The following MAP3K13 variants were observed in gnomAD, a reference collection of about 807,000 sequenced individuals.
The protein encoded by MAP3K13 is leucine zipper-bearing kinase.
In MAP3K13, 52 loss-of-function variants were observed where a neutral mutation model predicts 104.0. The observed-to-expected ratio is 0.50, with a 90% CI of 0.40 to 0.63. The LOEUF is 0.63. Among genes scored for constraint, MAP3K13 ranks in the 20% least tolerant of loss-of-function variants. MAP3K13 has a pLI of 0.00. For missense variants in MAP3K13, 914 were observed against 1,218.5 expected (o/e 0.75, Z 3.72); for synonymous variants, 394 against 442.2 (o/e 0.89, Z 1.37).
chr3:185,316,521 G>A (rs1211173216), intron 2 of MAP3K13, among the ~76,000 whole-genome samples: 1 of 152,134 alleles, frequency 6.6e-6, no homozygotes, highest in Non-Finnish European at 1.5e-5. Flanking sequence ...CATGCCTATA[G>A]TCCCAGCTAC....
At chr3:185,477,043 C>A in intron 11 of MAP3K13, 1 of 564,840 alleles carries the variant, frequency 1.8e-6, no homozygotes, top group Non-Finnish European at 3.4e-6. Context: ...CATCACTCAC[C>A]TCTGGACACT....
intron 7 of MAP3K13, among the ~76,000 whole-genome samples, chr3:185,452,832 G>A (rs1293609615): frequency 6.6e-6 from 1 of 152,196 alleles, no homozygotes. Flanking sequence ...AACAAATGTA[G>A]CGAGAGAGCA....
Position 185,291,536 on chromosome 3 carries a change from A to G in MAP3K13, c.-86+5893A>G, listed in dbSNP as rs1252873081. ...AGTAATCTGATTAATTACTGACCCA[A>G]AAGTAGTTTTTAATTTCCCTTAAAA... On this transcript the variant is annotated intron_variant, in intron 2 of 14. Transcript: ENST00000424227. 6.1e-6 allele frequency: 8 copies of G among 1,306,638 alleles called. No homozygotes were observed. The South Asian group carries it at 1.1e-4, about 17-fold the overall frequency. 80.9% of individuals were successfully genotyped at this position (1,306,638 alleles called of 1,614,324 possible). A position where few individuals can be genotyped will look rare whatever the true frequency, so the allele number is the denominator to read the frequency against.
intron 1 of MAP3K13, among the ~76,000 whole-genome samples, chr3:185,382,102 A>G (rs1324851743): frequency 6.6e-6 from 1 of 152,242 alleles, no homozygotes; most frequent in Non-Finnish European, 1.5e-5. Flanking sequence ...ACCTCCCAGT[A>G]GATACCTGAA....
rs6775037 is a variant in MAP3K13, at chr3:185,386,490, G to A, written c.-86+23122G>A. 8.6e-3 allele frequency among the ~76,000 whole-genome samples: 1,313 copies of A among 152,204 alleles called. 19 individuals carry two copies. Among genetic ancestry groups the A allele is most frequent in the African/African-American group, 0.03 (1,246 of 41,534 alleles). The stretch of plus-strand genomic sequence containing the variant: ...AGTGTAAACTAGTGGAAGATAATGT[G>A]GCTATTCCTAAAACACGTAGAGGTA... On this transcript the variant is annotated intron_variant, in intron 1 of 13. Coordinates refer to ENST00000265026, the MANE Select transcript of MAP3K13 (RefSeq NM_004721.5).
chr3:185,366,978 G>T (rs1723919466), intron 1 of MAP3K13, among the ~76,000 whole-genome samples: 1 of 152,196 alleles, frequency 6.6e-6, no homozygotes, highest in African/African-American at 2.4e-5. Context: ...TGCTTTTGGT[G>T]TCATATCTAA....
chr3:185,478,857 G>C (rs1230993630), intron 12 of MAP3K13, among the ~76,000 whole-genome samples: 1 of 149,596 alleles, frequency 6.7e-6, no homozygotes, highest in African/African-American at 2.5e-5. Flanking sequence ...GGGCGACAGA[G>C]TGAGACTCTG....
rs1292363371 is a variant in MAP3K13 at position 185,473,132 on chromosome 3, G to T, written c.1801G>T (p.Asp601Tyr). 8.7e-6 allele frequency: 14 copies of T among 1,614,038 alleles called. No homozygotes were observed. The highest frequency in any genetic ancestry group is 1.3e-5 in the African/African-American group (1 of 74,886). The change falls in exon 11 of 14, where the codon GAC becomes TAC. Residue 601 changes from aspartate (D) to tyrosine (Y), a missense_variant. Asp to Tyr is a radical substitution (Grantham distance 160). Coordinates refer to ENST00000265026, the MANE Select transcript of MAP3K13 (RefSeq NM_004721.5). The surrounding 1 kb of genome is among the most constrained non-coding windows in gnomAD (Gnocchi z 4.9). The stretch of plus-strand genomic sequence containing the variant: ...AGGGAATAGCAGAGGCAGCCATAGT[G>T]ACTTTGCCGCAATCTTGAAAAACCA... Reference protein sequence around the residue: ...RRGNSRGSHSDFAAILKNQPA... With the variant: ...RRGNSRGSHSYFAAILKNQPA...
rs1473879835 is a variant in MAP3K13 at position 185,455,532 on chromosome 3, A to ACATATAT, written c.1278+4137_1278+4138insCATATAT. ...ATATGAGATATATATGATATATATGAGATATATATGACATATATATGATAT... is the reference window on the plus strand; with the variant it reads ...ATATGAGATATATATGATATATATGACATATATGATATATATGACATATATATGATAT... On this transcript the variant is annotated intron_variant, in intron 7 of 13. Coordinates refer to ENST00000265026, the MANE Select transcript of MAP3K13 (RefSeq NM_004721.5). Among the ~76,000 whole-genome samples the ACATATAT allele has an allele frequency of 1.9e-4, 6 of 31,032 alleles. 1 individual carries two copies. Among genetic ancestry groups the ACATATAT allele is most frequent in the South Asian group, 1.0e-3 (1 of 954 alleles). 20.4% of individuals were successfully genotyped at this position (31,032 alleles called of 152,430 possible).
At chr3:185,288,380 T>C (rs1328242385) in intron 2 of MAP3K13, among the ~76,000 whole-genome samples, 1 of 151,434 alleles carries the variant, frequency 6.6e-6, no homozygotes, top group Non-Finnish European at 1.5e-5. Context: ...ATTACATACA[T>C]ATATATGTTC....
At chr3:185,476,931 G>C (rs1404201855) in intron 11 of MAP3K13, 1 of 327,576 alleles carries the variant, frequency 3.1e-6, no homozygotes, top group Non-Finnish European at 6.0e-6. Context: ...TCGGCTTTGA[G>C]GATTTCAAAG....
At chr3:185,408,110 C>G (rs1480314188) in intron 1 of MAP3K13, among the ~76,000 whole-genome samples, 1 of 151,948 alleles carries the variant, frequency 6.6e-6, no homozygotes, top group Non-Finnish European at 1.5e-5. Flanking sequence ...TTCAACCTAT[C>G]ACATTTAACT....
chr3:185,301,608 A>G (rs1487479974), intron 2 of MAP3K13, among the ~76,000 whole-genome samples: 1 of 152,196 alleles, frequency 6.6e-6, no homozygotes. Flanking sequence ...AGTTAGGCCT[A>G]TGATCCATTC....
At chr3:185,349,209 T>C (rs988681490) in intron 2 of MAP3K13, among the ~76,000 whole-genome samples, 4 of 152,114 alleles carry the variant, frequency 2.6e-5, no homozygotes, top group African/African-American at 7.2e-5. Context: ...GGGTTTGGGC[T>C]TCTATTGAAC....
intron 2 of MAP3K13, among the ~76,000 whole-genome samples, chr3:185,330,993 A>G (rs1256580653): frequency 6.6e-6 from 1 of 151,908 alleles, no homozygotes; most frequent in Non-Finnish European, 1.5e-5. Flanking sequence ...CTCTATTCAA[A>G]TAGCTCCTCC....
intron 5 of MAP3K13, among the ~76,000 whole-genome samples, chr3:185,448,304 T>A (rs1715701779): frequency 6.6e-6 from 1 of 152,182 alleles, no homozygotes; most frequent in African/African-American, 2.4e-5. Context: ...AGAGCTTACC[T>A]AATCTCAATG....
rs1716226564 is a variant in MAP3K13, at chr3:185,454,641, T to TATAG, written c.1278+3249_1278+3250insGATA. Among the ~76,000 whole-genome samples the TATAG allele has an allele frequency of 1.6e-4, 5 of 31,622 alleles. 2 individuals are homozygous for TATAG. Among genetic ancestry groups the TATAG allele is most frequent in the Non-Finnish European group, 3.5e-4 (4 of 11,518 alleles). The allele number at this position is 31,622 out of a possible 152,430, so 20.7% of individuals were successfully genotyped here. A position where few individuals can be genotyped will look rare whatever the true frequency, so the allele number is the denominator to read the frequency against. On this transcript the variant is annotated intron_variant, in intron 7 of 13. Coordinates refer to ENST00000265026, the MANE Select transcript of MAP3K13 (RefSeq NM_004721.5). ...ATATATATGAGATATATATATGAGA[T>TATAG]ATATATATGATATATATATGATATA...
chr3:185,330,953 T>C (rs73887867), intron 2 of MAP3K13, among the ~76,000 whole-genome samples: 12,571 of 152,140 alleles, frequency 0.083, 677 homozygotes, highest in East Asian at 0.2. Flanking sequence ...CTCTTCCCCC[T>C]CATTGTTTCT....
chr3:185,378,005 G>A (rs573618935), intron 1 of MAP3K13, among the ~76,000 whole-genome samples: 5 of 151,554 alleles, frequency 3.3e-5, no homozygotes, highest in African/African-American at 4.8e-5. Flanking sequence ...AGCTCCTGGG[G>A]TGGGGGGAGG....
Sources: gnomAD v4.1 joint callset for allele counts (sites outside exome capture counted in the v4.1 genomes callset) on GRCh38, gnomAD v4.1.1 for gene constraint, Gnocchi (gnomAD v3.1) non-coding constraint, MANE v1.5 for transcripts, NCBI Gene and HGNC (gene_info 2026-07-23, HGNC 2026-07-21) for gene names.